The following NYAP2 variants were observed in gnomAD, a reference collection of about 807,000 sequenced individuals.
The protein encoded by NYAP2 is neuronal tyrosine-phosphorylated phosphoinositide-3-kinase adapter 2.
Under a neutral mutation model 50.4 loss-of-function variants are expected in NYAP2, and 23 were observed. That is an observed-to-expected ratio of 0.46 (90% CI 0.33 to 0.65). The LOEUF is 0.65. Ranked by LOEUF, NYAP2 falls within the 30% of genes least tolerant of loss-of-function variation. NYAP2 has a pLI of 0.02. For missense variants in NYAP2, 885 were observed against 861.0 expected, an observed-to-expected ratio of 1.03 and a Z score of -0.35; for synonymous variants, 394 against 365.2, an observed-to-expected ratio of 1.08 and a Z score of -0.90.
At chr2:225,683,298 GC>G in the NYAP2 span, among the ~76,000 whole-genome samples, 1 of 152,152 alleles carries the variant, frequency 6.6e-6, no homozygotes, top group Non-Finnish European at 1.5e-5. Context: ...AAAGCTTGGT[GC>G]TGAGAGAGCC....
chr2:225,434,552 G>T (rs1049287522), intron 3 of NYAP2, among the ~76,000 whole-genome samples: 1 of 152,182 alleles, frequency 6.6e-6, no homozygotes, highest in African/African-American at 2.4e-5. Context: ...TGTCCACTCT[G>T]TGCCCATGTT....
intron 3 of NYAP2, among the ~76,000 whole-genome samples, chr2:225,469,152 A>C (rs998342220): frequency 5.3e-5 from 8 of 152,212 alleles, no homozygotes; most frequent in South Asian, 4.1e-4. Context: ...ATCTACAAAA[A>C]ACTTAAACAA....
intron 3 of NYAP2, among the ~76,000 whole-genome samples, chr2:225,446,210 CTG>C (rs1285834765): frequency 7.6e-4 from 46 of 60,372 alleles, no homozygotes; most frequent in Non-Finnish European, 1.1e-3. Flanking sequence ...GTCTGTCTGT[CTG>C]TCTGTCTCTC....
At chr2:225,555,884 C>T (rs911869817) in intron 4 of NYAP2, among the ~76,000 whole-genome samples, 3 of 152,172 alleles carry the variant, frequency 2.0e-5, no homozygotes, top group Admixed American at 6.6e-5. Context: ...GGGCATTGAA[C>T]ATCTAAATAT....
At chr2:225,691,502 CTATCCAT>C in the NYAP2 span, among the ~76,000 whole-genome samples, 1 of 152,104 alleles carries the variant, frequency 6.6e-6, no homozygotes. Flanking sequence ...TTGCCGACCC[CTATCCAT>C]TATCTTGAAG....
intron 4 of NYAP2, among the ~76,000 whole-genome samples, chr2:225,534,152 T>A (rs1308204328): frequency 1.3e-5 from 2 of 152,200 alleles, no homozygotes; most frequent in Non-Finnish European, 2.9e-5. Flanking sequence ...CATTCCTGTA[T>A]GATAGTTTAG....
intron 2 of NYAP2, among the ~76,000 whole-genome samples, chr2:225,403,925 A>G (rs1182152327): frequency 6.6e-6 from 1 of 151,988 alleles, no homozygotes; most frequent in Non-Finnish European, 1.5e-5. Context: ...TACACTCATG[A>G]AGAAATTTGC....
chr2:225,464,908 ACTGT>A, intron 3 of NYAP2, among the ~76,000 whole-genome samples: 1 of 152,264 alleles, frequency 6.6e-6, no homozygotes, highest in African/African-American at 2.4e-5. Flanking sequence ...TTCCTCTGAA[ACTGT>A]CTATTTCACA....
chr2:225,537,830 C>A (rs1277567026), intron 4 of NYAP2, among the ~76,000 whole-genome samples: 1 of 152,142 alleles, frequency 6.6e-6, no homozygotes, highest in Non-Finnish European at 1.5e-5. Context: ...TGCCTTTGAG[C>A]CTGTAAAATC....
chr2:225,476,396 G>C (rs1206022311), intron 3 of NYAP2, among the ~76,000 whole-genome samples: 1 of 148,382 alleles, frequency 6.7e-6, no homozygotes, highest in African/African-American at 2.5e-5. Flanking sequence ...CTGGGTGACA[G>C]AGCGGGACTC....
intron 5 of NYAP2, among the ~76,000 whole-genome samples, chr2:225,585,618 A>C (rs1252001852): frequency 1.3e-5 from 2 of 152,252 alleles, no homozygotes; most frequent in African/African-American, 4.8e-5. Flanking sequence ...GAGAAAGGGC[A>C]TGCCTCTGAG....
the NYAP2 span, among the ~76,000 whole-genome samples, chr2:225,690,211 T>C: frequency 1.3e-5 from 2 of 152,174 alleles, no homozygotes; most frequent in African/African-American, 4.8e-5. Flanking sequence ...GTTGCCTCTA[T>C]ATGTTTCCAA....
intron 5 of NYAP2, among the ~76,000 whole-genome samples, chr2:225,609,196 T>C (rs1692838800): frequency 6.6e-6 from 1 of 152,140 alleles, no homozygotes; most frequent in African/African-American, 2.4e-5. Context: ...TGGAAAATTA[T>C]AGGTATTATA....
intron 3 of NYAP2, among the ~76,000 whole-genome samples, chr2:225,508,822 C>A (rs1690758588): frequency 6.6e-6 from 1 of 152,176 alleles, no homozygotes; most frequent in Non-Finnish European, 1.5e-5. Flanking sequence ...AAATGCTGCA[C>A]CAGATTTGGA....
chr2:225,689,651 C>G, the NYAP2 span, among the ~76,000 whole-genome samples: 1 of 151,924 alleles, frequency 6.6e-6, no homozygotes, highest in African/African-American at 2.4e-5. Flanking sequence ...CAGGTGTAGA[C>G]TTGCCTAATA....
At chr2:225,691,297 G>A in the NYAP2 span, among the ~76,000 whole-genome samples, 10 of 151,882 alleles carry the variant, frequency 6.6e-5, no homozygotes, top group African/African-American at 1.7e-4. Flanking sequence ...TAGACAGTAC[G>A]TCAACAAATA....
At chr2:225,399,962 C>A (rs1488291348) in exon 1 of NYAP2, 1 of 152,022 alleles carries the variant, frequency 6.6e-6, no homozygotes, top group East Asian at 1.9e-4. Flanking sequence ...TGTTTCTTTA[C>A]CCTCTTTTCC....
chr2:225,449,356 A>C (rs1689612188), intron 3 of NYAP2, among the ~76,000 whole-genome samples: 1 of 152,188 alleles, frequency 6.6e-6, no homozygotes, highest in Non-Finnish European at 1.5e-5. Flanking sequence ...TGCAAATATG[A>C]ACTCTTATAA....
chr2:225,415,216 G>A (rs1304486246), intron 3 of NYAP2, among the ~76,000 whole-genome samples: 1 of 152,002 alleles, frequency 6.6e-6, no homozygotes. Context: ...ACATGCAATT[G>A]CATATTACTA....
Sources: gnomAD v4.1 joint callset for allele counts (sites outside exome capture counted in the v4.1 genomes callset) on GRCh38, gnomAD v4.1.1 for gene constraint, MANE v1.5 for transcripts, NCBI Gene and HGNC (gene_info 2026-07-23, HGNC 2026-07-21) for gene names.